The following TRIO variants were observed in gnomAD, a reference collection of about 807,000 sequenced individuals.
TRIO encodes trio Rho guanine nucleotide exchange factor, also known as triple functional domain protein.
Under a neutral mutation model 351.9 loss-of-function variants are expected in TRIO, and 58 were observed. The ratio of observed to expected loss-of-function variants is 0.16; its 90% confidence interval spans 0.13 to 0.21. TRIO has a LOEUF of 0.21. Among genes scored for constraint, TRIO ranks in the 10% least tolerant of loss-of-function variants. The pLI, the probability that TRIO is intolerant of heterozygous loss-of-function variation, is 1.00. For missense variants in TRIO, 3,201 were observed against 4,027.8 expected (o/e 0.79, Z 5.56); for synonymous variants, 1,758 against 1,595.7 (o/e 1.10, Z -2.42).
intron 33 of TRIO, among the ~76,000 whole-genome samples, chr5:14,406,877 A>G (rs1397589916): frequency 1.3e-5 from 2 of 152,090 alleles, no homozygotes; most frequent in African/African-American, 4.8e-5. Context: ...TTCAGGAGAA[A>G]TCATTCAACT....
chr5:14,255,480 C>T (rs935477383), intron 1 of TRIO, among the ~76,000 whole-genome samples: 4 of 152,182 alleles, frequency 2.6e-5, no homozygotes, highest in Non-Finnish European at 5.9e-5. Flanking sequence ...AAACTCAGCA[C>T]GCACATCAAT....
At chr5:14,170,592 C>T (rs1789040297) in intron 1 of TRIO, among the ~76,000 whole-genome samples, 1 of 151,518 alleles carries the variant, frequency 6.6e-6, no homozygotes, top group African/African-American at 2.4e-5. Context: ...CTGCAACGTC[C>T]ACCTCCTGGG....
chr5:14,194,510 G>A (rs565139169), intron 1 of TRIO, among the ~76,000 whole-genome samples: 11 of 152,138 alleles, frequency 7.2e-5, no homozygotes, highest in Non-Finnish European at 1.6e-4. Context: ...TTAGGTTGCT[G>A]GATATCTCTA....
chr5:14,292,632 C>G (rs904247880), intron 5 of TRIO, among the ~76,000 whole-genome samples: 1 of 152,212 alleles, frequency 6.6e-6, no homozygotes, highest in Non-Finnish European at 1.5e-5. Context: ...CCATAAGTTC[C>G]TAATTTCACC....
chr5:14,481,783 T>C, intron 45 of TRIO, 165 bp downstream of exon 45: 2 of 714,154 alleles, frequency 2.8e-6, no homozygotes, highest in East Asian at 2.9e-5. Flanking sequence ...TTTTTTTTTT[T>C]TTTTTTTTTT....
intron 1 of TRIO, among the ~76,000 whole-genome samples, chr5:14,175,920 T>C (rs76952064): frequency 0.029 from 4,364 of 152,326 alleles, 125 homozygotes; most frequent in Non-Finnish European, 0.04. Flanking sequence ...TTTGCATCAA[T>C]ACTGATTTGT....
chr5:14,225,580 C>A (rs245449), intron 1 of TRIO, among the ~76,000 whole-genome samples: 83,504 of 151,830 alleles, frequency 0.55, 23,309 homozygotes, highest in Non-Finnish European at 0.6. Flanking sequence ...TTCCTGGAGG[C>A]CACTCTCAGG....
At position 14,145,625 on chromosome 5, in the gene TRIO, C is replaced by G. The variant is rs971132734; in HGVS notation, c.157+1743C>G. 2.6e-5 allele frequency among the ~76,000 whole-genome samples: 4 copies of G among 152,104 alleles called. No individual in the cohort carries two copies. In the East Asian group the frequency reaches 7.7e-4, roughly 29 times the overall value. ...TCTAGCTTTCTCTCTACCTACCTGT[C>G]ACAGAATAATAGATTCTGTGCAGAA... On this transcript the variant is annotated intron_variant, in intron 1 of 56. Transcript: ENST00000344204.
At chr5:14,365,221 A>C (rs1422737750) in intron 15 of TRIO, among the ~76,000 whole-genome samples, 1 of 152,210 alleles carries the variant, frequency 6.6e-6, no homozygotes, top group East Asian at 1.9e-4. Context: ...TTTTGTTATC[A>C]GGATACTGTA....
intron 13 of TRIO, among the ~76,000 whole-genome samples, chr5:14,361,193 C>T (rs1473469794): frequency 6.6e-6 from 1 of 151,778 alleles, no homozygotes; most frequent in Non-Finnish European, 1.5e-5. Context: ...AAAATCGATT[C>T]GTTTATCTTA....
chr5:14,154,247 G>T (rs1787981520), intron 1 of TRIO, among the ~76,000 whole-genome samples: 1 of 152,096 alleles, frequency 6.6e-6, no homozygotes, highest in Admixed American at 6.5e-5. Context: ...GGGAGAGGCT[G>T]GCCAGGGAGG....
chr5:14,431,767 A>G (rs544095109), intron 34 of TRIO, among the ~76,000 whole-genome samples: 16 of 152,330 alleles, frequency 1.1e-4, no homozygotes, highest in African/African-American at 3.8e-4. Flanking sequence ...TTATTCTCTC[A>G]CAGTTCTGCA....
chr5:14,337,173 GTA>G (rs1488913120), intron 11 of TRIO, among the ~76,000 whole-genome samples: 9 of 152,136 alleles, frequency 5.9e-5, no homozygotes, highest in African/African-American at 1.9e-4. Context: ...AGCCAACCTG[GTA>G]CGAATAATAT....
intron 20 of TRIO, among the ~76,000 whole-genome samples, chr5:14,379,778 G>A (rs931017906): frequency 3.0e-4 from 46 of 152,180 alleles, no homozygotes; most frequent in African/African-American, 9.7e-4. Flanking sequence ...CCTAAAGTCC[G>A]CTTATTCACC....
chr5:14,294,634 G>A (rs1220968789), intron 6 of TRIO, among the ~76,000 whole-genome samples: 2 of 152,204 alleles, frequency 1.3e-5, no homozygotes, highest in African/African-American at 4.8e-5. Flanking sequence ...TAGTGTAGAA[G>A]ACAGGAAAAT....
intron 18 of TRIO, among the ~76,000 whole-genome samples, chr5:14,371,645 T>C (rs1286476779): frequency 2.0e-3 from 294 of 148,700 alleles, no homozygotes; most frequent in Admixed American, 2.1e-3. Flanking sequence ...TGTAAATGTT[T>C]TTTTTTTTTT....
At chr5:14,343,089 C>CAA (rs34378604) in intron 11 of TRIO, among the ~76,000 whole-genome samples, 2,276 of 135,484 alleles carry the variant, frequency 0.017, 66 homozygotes, top group African/African-American at 0.06. Flanking sequence ...CAGAAAGTTG[C>CAA]AAAAAAAAAA....
At chr5:14,444,151 A>G (rs573414991) in intron 34 of TRIO, among the ~76,000 whole-genome samples, 2 of 151,992 alleles carry the variant, frequency 1.3e-5, no homozygotes, top group Admixed American at 1.3e-4. Flanking sequence ...GTTTTTATAA[A>G]TTAAAGGGAA....
chr5:14,287,122 A>C, intron 4 of TRIO, 59 bp downstream of exon 4: 1 of 1,536,920 alleles, frequency 6.5e-7, no homozygotes, highest in South Asian at 1.2e-5. Flanking sequence ...ACTAAAAGCT[A>C]TTGAGGCTAA....
Sources: gnomAD v4.1 joint callset for allele counts (sites outside exome capture counted in the v4.1 genomes callset) on GRCh38, gnomAD v4.1.1 for gene constraint, MANE v1.5 for transcripts, NCBI Gene and HGNC (gene_info 2026-07-23, HGNC 2026-07-21) for gene names.